The following VPS13B variants were observed in gnomAD, a reference collection of about 807,000 sequenced individuals.
VPS13B encodes the protein vacuolar protein sorting 13 homolog B, also known as intermembrane lipid transfer protein VPS13B.
In VPS13B, 285 loss-of-function variants were observed where a neutral mutation model predicts 426.4. The ratio of observed to expected loss-of-function variants is 0.67; its 90% CI spans 0.61 to 0.74. The LOEUF is 0.74. Among genes scored for constraint, VPS13B ranks in the 30% least tolerant of loss-of-function variants. VPS13B has a pLI of 0.00. For synonymous variants in VPS13B, 1,676 were observed against 1,676.4 expected, an observed-to-expected ratio of 1.00 and a Z score of 0.01; for missense variants, 4,537 against 4,782.6, an observed-to-expected ratio of 0.95 and a Z score of 1.51.
intron 30 of VPS13B, among the ~76,000 whole-genome samples, chr8:99,553,866 A>G (rs893164227): frequency 4.6e-5 from 7 of 152,130 alleles, no homozygotes; most frequent in African/African-American, 1.7e-4. Flanking sequence ...GAAAAAATAT[A>G]GAAATACTAA....
chr8:99,186,749 C>T (rs774343985), intron 16 of VPS13B, among the ~76,000 whole-genome samples: 3 of 151,920 alleles, frequency 2.0e-5, no homozygotes, highest in Admixed American at 2.0e-4. Context: ...GTATAATTGG[C>T]GTGTTTATTA....
intron 3 of VPS13B, among the ~76,000 whole-genome samples, chr8:99,044,376 C>T (rs1843109928): frequency 6.6e-6 from 1 of 150,774 alleles, no homozygotes; most frequent in Non-Finnish European, 1.5e-5. Context: ...AGCCACCGCG[C>T]CCGGCCTCTT....
intron 2 of VPS13B, among the ~76,000 whole-genome samples, chr8:99,025,119 A>C (rs1842071672): frequency 6.6e-6 from 1 of 152,068 alleles, no homozygotes; most frequent in Non-Finnish European, 1.5e-5. Context: ...AACACTACTG[A>C]TTTTTGTAGA....
At chr8:99,039,902 A>T (rs1842902806) in intron 3 of VPS13B, among the ~76,000 whole-genome samples, 1 of 152,152 alleles carries the variant, frequency 6.6e-6, no homozygotes, top group South Asian at 2.1e-4. Context: ...TACTTTGTGA[A>T]CTTCTAATAT....
chr8:99,575,374 A>G (rs1317486417), intron 31 of VPS13B, among the ~76,000 whole-genome samples: 8 of 152,202 alleles, frequency 5.3e-5, no homozygotes, highest in Non-Finnish European at 1.0e-4. Flanking sequence ...TTGCAAGAAC[A>G]AAAAGGAGTA....
chr8:99,727,462 A>G (rs1036225887), intron 39 of VPS13B, among the ~76,000 whole-genome samples: 3 of 152,222 alleles, frequency 2.0e-5, no homozygotes, highest in Admixed American at 6.5e-5. Flanking sequence ...AAAGAGGTTT[A>G]TTGGACTTAC....
At chr8:99,868,665 G>A (rs1817229040) in intron 59 of VPS13B, among the ~76,000 whole-genome samples, 200 bp downstream of exon 59, 1 of 152,220 alleles carries the variant, frequency 6.6e-6, no homozygotes, top group African/African-American at 2.4e-5. Flanking sequence ...ACTAGTTTCA[G>A]TCTATATGTC....
At chr8:99,672,004 A>G (rs1020089740) in intron 35 of VPS13B, among the ~76,000 whole-genome samples, 1 of 152,048 alleles carries the variant, frequency 6.6e-6, no homozygotes, top group African/African-American at 2.4e-5. Flanking sequence ...TGCCAGTACT[A>G]TACTGTTTTG....
chr8:99,086,598 C>T (rs185696026), intron 3 of VPS13B, among the ~76,000 whole-genome samples: 2 of 151,970 alleles, frequency 1.3e-5, no homozygotes, highest in Non-Finnish European at 2.9e-5. Flanking sequence ...TTTTATCTAC[C>T]TTTGGTCTTT....
intron 33 of VPS13B, among the ~76,000 whole-genome samples, chr8:99,608,315 AT>A (rs568198343): frequency 7.0e-4 from 101 of 144,002 alleles, no homozygotes; most frequent in Non-Finnish European, 6.8e-4. Context: ...TGCCCAGCTA[AT>A]TTTTTTTTTT....
intron 19 of VPS13B, among the ~76,000 whole-genome samples, chr8:99,280,769 G>C (rs1284703776): frequency 6.6e-6 from 1 of 151,788 alleles, no homozygotes; most frequent in Non-Finnish European, 1.5e-5. Flanking sequence ...CCCATTTCCT[G>C]GTCTGATTTT....
chr8:99,821,354 A>G lies in VPS13B; in HGVS notation c.9055A>G (p.Ile3019Val), dbSNP rs757812115. The change falls in exon 50 of 62, where the codon ATT (isoleucine) becomes GTT (valine). Residue 3019 changes from isoleucine (I) to valine (V), a missense_variant. Ile to Val is a conservative substitution (Grantham distance 29). This residue lies in a region of VPS13B where 4,311 missense variants were observed against 4,474.3 expected (regional missense o/e 0.96). Coordinates refer to ENST00000357162, the MANE Select transcript of VPS13B (RefSeq NM_152564.5). ...NTNTVHKSVAIKLVHNLTSPK... is the reference protein window; with the variant it reads ...NTNTVHKSVAVKLVHNLTSPK... ...AAACACTGTGCACAAGTCAGTAGCA[A>G]TTAAACTGGTCCATAACCTGACATC... is the stretch of plus-strand genomic sequence containing the variant. 4.3e-6 allele frequency: 7 copies of G among 1,613,906 alleles called. No homozygotes were observed. Among genetic ancestry groups the G allele is most frequent in the Non-Finnish European group, 5.9e-6 (7 of 1,179,846 alleles).
chr8:99,355,476 A>G (rs902807567), intron 19 of VPS13B, among the ~76,000 whole-genome samples: 13 of 152,260 alleles, frequency 8.5e-5, no homozygotes, highest in African/African-American at 2.6e-4. Context: ...CTGTAATCCC[A>G]GCTACTCAGG....
chr8:99,576,861 G>T (rs1166778035), intron 32 of VPS13B, among the ~76,000 whole-genome samples: 1 of 152,182 alleles, frequency 6.6e-6, no homozygotes, highest in Non-Finnish European at 1.5e-5. Flanking sequence ...GCAGTTTAAA[G>T]AAGTGAAATT....
Position 99,642,459 on chromosome 8 carries a change from G to T in VPS13B, c.5869G>T (p.Ala1957Ser). 1 of 1,613,948 alleles carries T rather than the reference G, an allele frequency of 6.2e-7. No individual in the cohort carries two copies. The highest frequency in any genetic ancestry group is 8.5e-7 in the Non-Finnish European group (1 of 1,179,970). ...GCGAGTGGAAGTATCCATTTTTGAT[G>T]CTGTGCTTAAAGGGGTGGCCTCTGA... Reference protein sequence around the residue: ...KQRVEVSIFDAVLKGVASDYK... With the variant: ...KQRVEVSIFDSVLKGVASDYK... The change falls in exon 34 of 62, where the codon GCT (alanine) becomes TCT (serine). Residue 1957 changes from alanine (A) to serine (S), a missense_variant. Transcript: ENST00000357162.
At chr8:99,487,622 A>G (rs1395635359) in intron 25 of VPS13B, among the ~76,000 whole-genome samples, 1 of 152,070 alleles carries the variant, frequency 6.6e-6, no homozygotes, top group East Asian at 1.9e-4. Context: ...CCCTCCATCC[A>G]TGGTAACCTC....
chr8:99,519,526 A>G (rs1403644109), intron 29 of VPS13B, among the ~76,000 whole-genome samples: 1 of 152,180 alleles, frequency 6.6e-6, no homozygotes, highest in Non-Finnish European at 1.5e-5. Flanking sequence ...GGCACTATTC[A>G]CAATAGCAAA....
At chr8:99,650,471 A>G (rs1177273212) in intron 34 of VPS13B, among the ~76,000 whole-genome samples, 1 of 152,218 alleles carries the variant, frequency 6.6e-6, no homozygotes, top group African/African-American at 2.4e-5. Context: ...ATAGTTAAAT[A>G]TATGTGTATA....
intron 21 of VPS13B, 129 bp from the exon 22 acceptor site, chr8:99,431,408 C>A: frequency 8.4e-7 from 1 of 1,195,600 alleles, no homozygotes. Context: ...TGTAAAATGA[C>A]AATTCATAAT....
Sources: gnomAD v4.1 joint callset for allele counts (sites outside exome capture counted in the v4.1 genomes callset) on GRCh38, gnomAD v4.1.1 for gene constraint, gnomAD v4.1.1 regional missense constraint, MANE v1.5 for transcripts, NCBI Gene and HGNC (gene_info 2026-07-23, HGNC 2026-07-21) for gene names.